Variants in NCOA6 observed in about 807,000 individuals in gnomAD.
The protein encoded by NCOA6 is nuclear receptor coactivator 6.
Under a neutral mutation model 171.4 loss-of-function variants are expected in NCOA6, and 49 were observed. That is an observed-to-expected ratio of 0.29 (90% CI 0.23 to 0.36). NCOA6 has a LOEUF of 0.36. Ranked by LOEUF, NCOA6 falls within the 10% of genes least tolerant of loss-of-function variation. NCOA6 has a pLI of 1.00. For synonymous variants in NCOA6, 910 were observed against 927.5 expected (o/e 0.98, Z 0.34); for missense variants, 2,248 against 2,554.5 (o/e 0.88, Z 2.59).
chr20:34,790,051 G>A (rs1230686358), intron 2 of NCOA6, among the ~76,000 whole-genome samples: 4 of 148,434 alleles, frequency 2.7e-5, no homozygotes, highest in South Asian at 2.1e-4. Flanking sequence ...CCTGGCCAAC[G>A]TGGCAAATCC....
intron 4 of NCOA6, among the ~76,000 whole-genome samples, chr20:34,772,770 G>A (rs1237174695): frequency 3.3e-5 from 5 of 152,126 alleles, no homozygotes; most frequent in East Asian, 1.9e-4. Flanking sequence ...GGGGATGCAC[G>A]TCAGGAAGGC....
At chr20:34,823,986 A>G (rs1025945384) in intron 1 of NCOA6, among the ~76,000 whole-genome samples, 1 of 152,186 alleles carries the variant, frequency 6.6e-6, no homozygotes, top group Non-Finnish European at 1.5e-5. Flanking sequence ...GGCTGGCCGG[A>G]GCACCTCTTA....
Position 34,765,387 on chromosome 20 carries a change from C to T in NCOA6, c.514+3077G>A, listed in dbSNP as rs2076949243. ...GAGGCAGAGCTTGCAGTGAGCCGAG[C>T]CGAGATCGTGCCACTGCATTCCAGC... On this transcript the variant is annotated intron_variant, in intron 5 of 14. Transcript: ENST00000359003. Among the ~76,000 whole-genome samples, 6 of 149,790 alleles carry T rather than the reference C, an allele frequency of 4.0e-5. No homozygotes were observed. The South Asian group carries it at 1.3e-3, about 32-fold the overall frequency.
chr20:34,754,869 C>T lies in NCOA6; in HGVS notation c.1529-1G>A. On this transcript the variant is annotated splice_acceptor_variant, in intron 7 of 14. Transcript: ENST00000359003. LOFTEE classifies it high-confidence loss of function. ...CCAGGTGGGAGGCGTTTAGGCATTC[C>T]TTAATAGAAAACAATGAGTAAGGCA... 1 of 1,613,788 alleles carries T rather than the reference C, an allele frequency of 6.2e-7. No individual in the cohort carries two copies.
Position 34,761,019 on chromosome 20 carries a change from G to A in NCOA6, c.515-2086C>T, listed in dbSNP as rs1223309081. ...GTAGATCACTTGAGATCAGGGGTTC[G>A]AGATCAGCCTGGCCAACATGGTAAA... On this transcript the variant is annotated intron_variant, in intron 5 of 14. Transcript: ENST00000359003. 6.6e-5 allele frequency among the ~76,000 whole-genome samples: 10 copies of A among 152,108 alleles called. No homozygotes were observed. In the East Asian group the frequency reaches 9.7e-4, roughly 15 times the overall value.
intron 5 of NCOA6, among the ~76,000 whole-genome samples, chr20:34,763,612 A>G (rs2076881704): frequency 6.6e-6 from 1 of 152,176 alleles, no homozygotes; most frequent in African/African-American, 2.4e-5. Context: ...TTGAGAAAAT[A>G]CGCCCCTCCA....
intron 1 of NCOA6, chr20:34,809,422 G>A (rs957432444): frequency 3.8e-5 from 15 of 398,360 alleles, no homozygotes; most frequent in Admixed American, 1.8e-4. Context: ...TTTATAAATT[G>A]AATTTCATGT....
chr20:34,821,290 T>C (rs2079000324), intron 1 of NCOA6: 1 of 152,184 alleles, frequency 6.6e-6, no homozygotes, highest in Admixed American at 6.5e-5. Context: ...TATAAATAAA[T>C]GAGTGTGGCT....
chr20:34,792,646 T>G, intron 1 of NCOA6, 83 bp from the exon 2 acceptor site: 1 of 397,726 alleles, frequency 2.5e-6, no homozygotes, highest in Non-Finnish European at 4.4e-6. Flanking sequence ...ATTAAAGATT[T>G]CTTTAATTTC....
chr20:34,817,425 G>A (rs1441075268), intron 1 of NCOA6, among the ~76,000 whole-genome samples: 1 of 151,862 alleles, frequency 6.6e-6, no homozygotes, highest in East Asian at 1.9e-4. Flanking sequence ...TCATCACAAA[G>A]TAAAGGTATG....
At chr20:34,726,876 G>A (rs1990015837) in intron 14 of NCOA6, among the ~76,000 whole-genome samples, 1 of 151,530 alleles carries the variant, frequency 6.6e-6, no homozygotes, top group African/African-American at 2.4e-5. Flanking sequence ...AATTACTTGA[G>A]CCCAGGAATT....
intron 13 of NCOA6, among the ~76,000 whole-genome samples, chr20:34,727,856 T>C (rs1311150991): frequency 6.6e-6 from 1 of 151,988 alleles, no homozygotes; most frequent in Non-Finnish European, 1.5e-5. Flanking sequence ...CCCGAGTAGC[T>C]GGGACTACAG....
intron 3 of NCOA6, among the ~76,000 whole-genome samples, chr20:34,780,253 T>C (rs1186903158): frequency 2.6e-5 from 4 of 152,264 alleles, no homozygotes; most frequent in Non-Finnish European, 5.9e-5. Flanking sequence ...TTATATCTTA[T>C]CAAAATCTTT....
intron 14 of NCOA6, among the ~76,000 whole-genome samples, chr20:34,716,185 C>T (rs1230307512): frequency 3.0e-5 from 4 of 132,204 alleles, no homozygotes; most frequent in African/African-American, 1.2e-4. Context: ...CACCACTGTA[C>T]TGTAGCCTGG....
Position 34,753,081 on chromosome 20 carries a change from C to T in NCOA6, c.1675+1641G>A, listed in dbSNP as rs1196138498. 2.7e-5 allele frequency among the ~76,000 whole-genome samples: 4 copies of T among 149,706 alleles called. No individual in the cohort carries two copies. In the South Asian group the frequency reaches 6.4e-4, roughly 24 times the overall value. ...TTTTTGAGATGAAGTCTCTCTCTGT[C>T]GCCCAGGCTGGAGTGCAGTGGCGTG... On this transcript the variant is annotated intron_variant, in intron 8 of 14. Coordinates refer to ENST00000359003, the MANE Select transcript of NCOA6 (RefSeq NM_014071.5).
intron 4 of NCOA6, among the ~76,000 whole-genome samples, chr20:34,774,587 T>C (rs2077251356): frequency 6.6e-6 from 1 of 152,220 alleles, no homozygotes; most frequent in South Asian, 2.1e-4. Context: ...TGCTCAGGTT[T>C]CATGGAGCAA....
In NCOA6 at chr20:34,758,014, G is replaced by T. The variant is rs2076701315; in HGVS notation, c.734C>A (p.Pro245His). The T allele has an allele frequency of 6.2e-7, 1 of 1,614,036 alleles. No individual in the cohort carries two copies. Among genetic ancestry groups the T allele is most frequent in the Admixed American group, 1.7e-5 (1 of 59,994 alleles). Reference sequence around the variant, plus strand: ...GTTCATTTGTCTGTTCACAGAGACAGGCTGCATTGGGTGATGTGGGGGAGC... The same window carrying T: ...GTTCATTTGTCTGTTCACAGAGACATGCTGCATTGGGTGATGTGGGGGAGC... ...SLAPPHHPMQ[P>H]VSVNRQMNPA... The change falls in exon 7 of 15, where the codon CCT becomes CAT. Residue 245 changes from proline to histidine, a missense_variant. Pro to His is a moderately conservative substitution (Grantham distance 77). Coordinates refer to ENST00000359003, the MANE Select transcript of NCOA6 (RefSeq NM_014071.5).
chr20:34,757,725 G>A lies in NCOA6; in HGVS notation c.1023C>T (p.Asn341=). Residue 341 remains asparagine, a synonymous_variant, in exon 7 of 15, where the codon AAC becomes AAT. Transcript: ENST00000359003. The part of the protein sequence containing the change: ...AQGSLGTMTA[N]QGWKKAPLPG... ...GCAAGGGAGCCTTCTTCCACCCTTG[G>A]TTTGCAGTCATTGTGCCCAGAGAAC... 6.2e-7 allele frequency: 1 copy of A among 1,614,172 alleles called. No homozygotes were observed. The highest frequency in any genetic ancestry group is 8.5e-7 in the Non-Finnish European group (1 of 1,180,028).
intron 3 of NCOA6, among the ~76,000 whole-genome samples, chr20:34,779,539 G>T (rs1390779078): frequency 4.6e-5 from 7 of 151,944 alleles, no homozygotes; most frequent in African/African-American, 1.7e-4. Flanking sequence ...AATAAAAAAA[G>T]TTATTCAACA....
Sources: allele counts gnomAD v4.1 joint callset (sites outside exome capture counted in the v4.1 genomes callset), GRCh38; gene constraint gnomAD v4.1.1; transcripts MANE v1.5; gene names NCBI Gene and HGNC (gene_info 2026-07-23, HGNC 2026-07-21).